The following PLXNA4 variants were observed in gnomAD, a reference collection of about 807,000 sequenced individuals.
The protein encoded by PLXNA4 is plexin A4.
Under a neutral mutation model 191.8 loss-of-function variants are expected in PLXNA4, and 44 were observed. The observed-to-expected ratio is 0.23, with a 90% CI of 0.18 to 0.29. PLXNA4 has a LOEUF of 0.29. PLXNA4 is among the 10% of genes least tolerant of loss of function. The pLI, the probability that PLXNA4 is intolerant of heterozygous loss-of-function variation, is 1.00. For missense variants in PLXNA4, 1,800 were observed against 2,488.8 expected (o/e 0.72, Z 5.89); for synonymous variants, 1,082 against 1,009.5 (o/e 1.07, Z -1.36).
intron 3 of PLXNA4, among the ~76,000 whole-genome samples, chr7:132,471,700 G>A (rs2117420874): frequency 6.6e-6 from 1 of 152,334 alleles, no homozygotes; most frequent in Admixed American, 6.5e-5. Flanking sequence ...CAGAAGGATA[G>A]ACCACAGATG....
At chr7:132,531,049 C>T (rs1490056023) in intron 1 of PLXNA4, among the ~76,000 whole-genome samples, 1 of 152,166 alleles carries the variant, frequency 6.6e-6, no homozygotes, top group African/African-American at 2.4e-5. Context: ...GAAAGTAGAA[C>T]AGCGGTTACC....
intron 16 of PLXNA4, among the ~76,000 whole-genome samples, chr7:132,183,707 C>G (rs1267106562): frequency 6.6e-6 from 1 of 152,222 alleles, no homozygotes; most frequent in Admixed American, 6.5e-5. Flanking sequence ...ATTTTCCCCT[C>G]TCTGTGCCTT....
intron 3 of PLXNA4, among the ~76,000 whole-genome samples, chr7:132,341,257 C>T (rs1803015045): frequency 6.6e-6 from 1 of 152,118 alleles, no homozygotes; most frequent in Non-Finnish European, 1.5e-5. Flanking sequence ...TTCTCCAACC[C>T]TTGGGTTTTG....
In PLXNA4 at chr7:132,495,869, C is replaced by T. The variant is rs529863634; in HGVS notation, c.1189-6395G>A. 1.5e-3 allele frequency among the ~76,000 whole-genome samples: 232 copies of T among 152,368 alleles called. 2 individuals carry two copies. The highest frequency in any genetic ancestry group is 2.9e-3 in the Non-Finnish European group (200 of 68,042). ...CTGCGTTCAGCAAGGGAAATAGGCA[C>T]TAGATGAAGACAAGGCTATTTACTT... is the stretch of plus-strand genomic sequence containing the variant. On this transcript the variant is annotated intron_variant, in intron 2 of 31. Transcript: ENST00000321063.
intron 24 of PLXNA4, among the ~76,000 whole-genome samples, chr7:132,162,958 A>C (rs1795994255): frequency 6.6e-6 from 1 of 152,054 alleles, no homozygotes. Context: ...GTTGTCTGAG[A>C]ATCACACTCC....
At chr7:132,401,806 C>A (rs1345096170) in intron 3 of PLXNA4, among the ~76,000 whole-genome samples, 1 of 152,166 alleles carries the variant, frequency 6.6e-6, no homozygotes, top group African/African-American at 2.4e-5. Flanking sequence ...ACGAGTGGAT[C>A]TTTCAAACAC....
chr7:132,283,410 G>A lies in PLXNA4; in HGVS notation c.1503+14681C>T, dbSNP rs529213812. On this transcript the variant is annotated intron_variant, in intron 4 of 31. Transcript: ENST00000321063. Reference sequence around the variant, plus strand: ...TAAGCTCAGAGGTGAGGAAAGCTTCGCAGACCTAGGATAGAGAGATACGAT... The same window carrying A: ...TAAGCTCAGAGGTGAGGAAAGCTTCACAGACCTAGGATAGAGAGATACGAT... 5.3e-5 allele frequency among the ~76,000 whole-genome samples: 8 copies of A among 152,320 alleles called. No homozygotes were observed. In the South Asian group the frequency reaches 1.5e-3, roughly 28 times the overall value.
intron 3 of PLXNA4, among the ~76,000 whole-genome samples, chr7:132,456,514 G>C (rs192682983): frequency 3.3e-5 from 5 of 152,286 alleles, no homozygotes; most frequent in Admixed American, 3.3e-4. Flanking sequence ...AACAACCAGA[G>C]GGACTAATCA....
At chr7:132,232,342 T>C (rs1164228676) in intron 5 of PLXNA4, among the ~76,000 whole-genome samples, 1 of 152,110 alleles carries the variant, frequency 6.6e-6, no homozygotes, top group Non-Finnish European at 1.5e-5. Flanking sequence ...TGAAAACGGA[T>C]TCAGACAGTG....
At chr7:132,368,203 A>T (rs1004412669) in intron 3 of PLXNA4, among the ~76,000 whole-genome samples, 2 of 152,126 alleles carry the variant, frequency 1.3e-5, no homozygotes, top group South Asian at 4.1e-4. Context: ...CCTCCATAAG[A>T]AGGGAGAACG....
In PLXNA4 at chr7:132,130,684, C is replaced by T. The variant is rs1794901931; in HGVS notation, c.5590-110G>A. The T allele has an allele frequency of 5.9e-6, 9 of 1,521,314 alleles. No individual in the cohort carries two copies. In the Admixed American group the frequency reaches 1.3e-4, roughly 22 times the overall value. The allele number at this position is 1,521,314 out of a possible 1,614,324, so 94.2% of individuals were successfully genotyped here. ...GGTCAGAAGCCCGGGAAGCCACAGG[C>T]ATGTGCAGGGGCACACAGGACACTG... On this transcript the variant is annotated intron_variant, in intron 31 of 31. Transcript: ENST00000321063.
chr7:132,487,062 C>A (rs1330444635), intron 3 of PLXNA4, among the ~76,000 whole-genome samples: 5 of 152,218 alleles, frequency 3.3e-5, no homozygotes, highest in Admixed American at 3.3e-4. Flanking sequence ...CTTGGGTTTA[C>A]AATGCAGCCA....
At chr7:132,359,209 CT>C (rs57415453) in intron 3 of PLXNA4, among the ~76,000 whole-genome samples, 785 of 110,906 alleles carry the variant, frequency 7.1e-3, no homozygotes, top group South Asian at 0.032. Flanking sequence ...GTCAAGGCTG[CT>C]TTTTTTTTTT....
chr7:132,204,302 G>A (rs1268470136), intron 10 of PLXNA4, among the ~76,000 whole-genome samples: 1 of 152,204 alleles, frequency 6.6e-6, no homozygotes, highest in Non-Finnish European at 1.5e-5. Context: ...TCCCATAGCA[G>A]ACCCCTCTCA....
At position 132,507,657 on chromosome 7, in the gene PLXNA4, T is replaced by G; in HGVS notation, c.1037A>C (p.Lys346Thr). 2 of 1,614,246 alleles carry G rather than the reference T, an allele frequency of 1.2e-6. No individual in the cohort carries two copies. Among genetic ancestry groups the G allele is most frequent in the Non-Finnish European group, 1.7e-6 (2 of 1,180,040 alleles). The change falls in exon 2 of 32, where the codon AAA (lysine) becomes ACA (threonine). Residue 346 changes from lysine to threonine, a missense_variant. Transcript: ENST00000321063. ...GGCCGACTCATCCAGGGATTTCATT[T>G]TCCGCTTCTGGCCCTTGGAGAAGAC... ...FTVFSKGQKR[K>T]MKSLDESALC... is the part of the protein sequence containing the mutation.
intron 1 of PLXNA4, among the ~76,000 whole-genome samples, chr7:132,547,179 C>A (rs577701834): frequency 3.8e-4 from 58 of 152,308 alleles, no homozygotes; most frequent in Non-Finnish European, 7.8e-4. Flanking sequence ...ATGATGCTTG[C>A]TCTGGGCCCA....
At chr7:132,485,420 G>C (rs1371237276) in intron 3 of PLXNA4, among the ~76,000 whole-genome samples, 11 of 152,190 alleles carry the variant, frequency 7.2e-5, no homozygotes, top group Non-Finnish European at 1.6e-4. Flanking sequence ...ACTAATGTCA[G>C]GCAGTAATTC....
intron 1 of PLXNA4, among the ~76,000 whole-genome samples, chr7:132,646,342 G>A (rs975206961): frequency 1.3e-5 from 2 of 152,146 alleles, no homozygotes; most frequent in African/African-American, 4.8e-5. Context: ...GGGCTCATGG[G>A]AAGTCTCTTT....
intron 3 of PLXNA4, among the ~76,000 whole-genome samples, chr7:132,365,465 C>T (rs1804140066): frequency 6.6e-6 from 1 of 152,096 alleles, no homozygotes; most frequent in South Asian, 2.1e-4. Context: ...CAAGACCCTC[C>T]CCCTTTGGGG....
Sources: gnomAD v4.1 joint callset for allele counts (sites outside exome capture counted in the v4.1 genomes callset) on GRCh38, gnomAD v4.1.1 for gene constraint, MANE v1.5 for transcripts, NCBI Gene and HGNC (gene_info 2026-07-23, HGNC 2026-07-21) for gene names.